Variants in KCNJ15 observed in about 807,000 individuals in gnomAD.
The protein encoded by KCNJ15 is potassium inwardly rectifying channel subfamily J member 15.
A neutral mutation model predicts 23.0 loss-of-function variants in KCNJ15; 14 were observed. That is an observed-to-expected ratio of 0.61 (90% confidence interval 0.40 to 0.95). The LOEUF is 0.95. KCNJ15 is among the 40% of genes least tolerant of loss of function. The probability of loss-of-function intolerance (pLI) is 0.00; values close to 1 mark genes in which losing one functional copy is unlikely to be tolerated. For missense variants in KCNJ15, 388 were observed against 461.8 expected (o/e 0.84, Z 1.46); for synonymous variants, 185 against 183.2 (o/e 1.01, Z -0.08).
chr21:38,303,856 T>A lies in KCNJ15; in HGVS notation c.*3467T>A, dbSNP rs1051446422. 1 of 151,518 alleles carries A rather than the reference T, an allele frequency of 6.6e-6. No individual in the cohort carries two copies. Among genetic ancestry groups the A allele is most frequent in the Non-Finnish European group, 1.5e-5 (1 of 67,888 alleles). The allele number at this position is 151,518 out of a possible 1,614,324, so 9.4% of individuals were successfully genotyped here. On this transcript the variant is annotated 3_prime_UTR_variant, in exon 3 of 3. Transcript: ENST00000398938. ...CATTATTCTGTCTCCCTTATTTGAGTCTTCAATATATATGCCCAGCTGGAG... is the reference window on the plus strand; with the variant it reads ...CATTATTCTGTCTCCCTTATTTGAGACTTCAATATATATGCCCAGCTGGAG...
upstream of KCNJ15, among the ~76,000 whole-genome samples, chr21:38,251,744 C>T (rs1266666812): frequency 2.6e-5 from 4 of 151,996 alleles, no homozygotes; most frequent in Admixed American, 2.6e-4. Context: ...AATTTGCCAG[C>T]GAGTAGGGGA....
In KCNJ15 at chr21:38,239,028, G is replaced by A. The variant is rs552365549; in HGVS notation, c.-398-18018G>A. Among the ~76,000 whole-genome samples the A allele has an allele frequency of 2.2e-4, 33 of 152,208 alleles. No homozygotes were observed. The South Asian group carries it at 6.6e-3, about 31-fold the overall frequency. ...AATAAATGTCTGGGTGGTGATGAAG[G>A]GTGACTTGCAGAAGCACCATTTTCC... On this transcript the variant is annotated intron_variant, in intron 1 of 4. Transcript: ENST00000547341.
At position 38,244,634 on chromosome 21, in the gene KCNJ15, C is replaced by T. The variant is rs527684513; in HGVS notation, c.-398-12412C>T. 9.9e-5 allele frequency among the ~76,000 whole-genome samples: 15 copies of T among 152,238 alleles called. No homozygotes were observed. In the East Asian group the frequency reaches 1.4e-3, roughly 14 times the overall value. On this transcript the variant is annotated intron_variant, in intron 1 of 4. Coordinates refer to the KCNJ15 transcript ENST00000547341. ...ACCTCCAGTCTCCAACTGCCTCCTC[C>T]GGCAGAACTGAGCAAGTCCTAACCA...
chr21:38,245,195 A>T (rs1193165841), intron 1 of KCNJ15, among the ~76,000 whole-genome samples: 1 of 152,018 alleles, frequency 6.6e-6, no homozygotes, highest in Non-Finnish European at 1.5e-5. Flanking sequence ...AGTTTACCGC[A>T]TCCTGGTTCT....
intron 1 of KCNJ15, chr21:38,285,646 G>A (rs143355381): frequency 5.9e-5 from 9 of 152,370 alleles, no homozygotes; most frequent in African/African-American, 1.9e-4. Context: ...AGGAATTCAT[G>A]TGCCAGATGT....
intron 1 of KCNJ15, among the ~76,000 whole-genome samples, chr21:38,233,913 T>C (rs995241423): frequency 2.2e-4 from 33 of 152,078 alleles, no homozygotes; most frequent in Non-Finnish European, 4.4e-4. Context: ...TTACTTTATA[T>C]AGTTTTATGT....
chr21:38,230,725 C>A (rs796488600), intron 1 of KCNJ15, among the ~76,000 whole-genome samples: 3 of 152,164 alleles, frequency 2.0e-5, no homozygotes, highest in African/African-American at 7.2e-5. Context: ...TATCTTGGCA[C>A]TACTTATTGA....
intron 1 of KCNJ15, among the ~76,000 whole-genome samples, chr21:38,240,177 G>A (rs1010025890): frequency 6.6e-6 from 1 of 151,704 alleles, no homozygotes; most frequent in African/African-American, 2.4e-5. Flanking sequence ...TTTTTTAATG[G>A]CCATCAAGAA....
intron 1 of KCNJ15, among the ~76,000 whole-genome samples, chr21:38,263,627 C>T (rs2836257): frequency 0.47 from 70,741 of 152,016 alleles, 20,817 homozygotes; most frequent in African/African-American, 0.84. Flanking sequence ...CTCTGACTAA[C>T]GTTTCACACA....
At chr21:38,271,242 A>G (rs999826242) in intron 1 of KCNJ15, among the ~76,000 whole-genome samples, 3 of 152,256 alleles carry the variant, frequency 2.0e-5, no homozygotes, top group African/African-American at 2.4e-5. Flanking sequence ...AAGAGGTTTC[A>G]GAGAAGCTAG....
chr21:38,276,140 G>A lies in KCNJ15; in HGVS notation c.-117+18955G>A, dbSNP rs185080664. On this transcript the variant is annotated intron_variant, in intron 1 of 2. Coordinates refer to ENST00000398938, the MANE Select transcript of KCNJ15 (RefSeq NM_170736.3). ...GTTAAGGCATGAAGGAGCCTATTCT[G>A]CTTGGCATGATAACAATTTATGTAT... 7.2e-5 allele frequency among the ~76,000 whole-genome samples: 11 copies of A among 151,828 alleles called. 1 individual carries two copies. The highest frequency in any genetic ancestry group is 2.2e-4 in the African/African-American group (9 of 41,390).
chr21:38,244,217 A>G (rs553444370), intron 1 of KCNJ15, among the ~76,000 whole-genome samples: 199 of 152,254 alleles, frequency 1.3e-3, no homozygotes, highest in Middle Eastern at 3.4e-3. Context: ...TTTCGAACCC[A>G]CCAAAGTCTA....
chr21:38,265,634 G>A (rs369356141), intron 1 of KCNJ15, among the ~76,000 whole-genome samples: 2 of 152,302 alleles, frequency 1.3e-5, no homozygotes, highest in African/African-American at 4.8e-5. Context: ...GCAGGAGGCT[G>A]GGTGGTCCGT....
chr21:38,258,766 A>G (rs1051368247), intron 1 of KCNJ15, among the ~76,000 whole-genome samples: 1 of 152,178 alleles, frequency 6.6e-6, no homozygotes, highest in African/African-American at 2.4e-5. Context: ...TCCTCCCACC[A>G]ACAGTTGTGG....
At position 38,301,980 on chromosome 21, in the gene KCNJ15, A is replaced by G. The variant is rs1414173079; in HGVS notation, c.*1591A>G. The stretch of plus-strand genomic sequence containing the variant: ...CAGTCACACACGCACACACACACAC[A>G]TGCACACACGCGCGTGCACACACGC... On this transcript the variant is annotated 3_prime_UTR_variant, in exon 3 of 3. Coordinates refer to ENST00000398938, the MANE Select transcript of KCNJ15 (RefSeq NM_170736.3). 2 of 154,588 alleles carry G rather than the reference A, an allele frequency of 1.3e-5. No individual in the cohort carries two copies. The highest frequency in any genetic ancestry group is 2.9e-5 in the Non-Finnish European group (2 of 68,150). 9.6% of individuals were successfully genotyped at this position (154,588 alleles called of 1,614,324 possible).
At chr21:38,284,268 T>G (rs1361109602) in intron 1 of KCNJ15, among the ~76,000 whole-genome samples, 1 of 152,178 alleles carries the variant, frequency 6.6e-6, no homozygotes, top group Non-Finnish European at 1.5e-5. Flanking sequence ...TGCATAATGT[T>G]AAAATTACAG....
intron 1 of KCNJ15, among the ~76,000 whole-genome samples, chr21:38,293,771 A>G (rs753595640): frequency 6.6e-6 from 1 of 152,234 alleles, no homozygotes; most frequent in Non-Finnish European, 1.5e-5. Flanking sequence ...TCCTCAGGAG[A>G]TACAAACCGA....
At position 38,299,906 on chromosome 21, in the gene KCNJ15, G is replaced by A; in HGVS notation, c.645G>A (p.Lys215=). 1 of 1,614,020 alleles carries A rather than the reference G, an allele frequency of 6.2e-7. No individual in the cohort carries two copies. Among genetic ancestry groups the A allele is most frequent in the Non-Finnish European group, 8.5e-7 (1 of 1,179,994 alleles). ...TGATTCAGTGCCAGCTCTCTGGCAA[G>A]CTCCTGCAGACCCACGTCACCAAGG... The part of the protein sequence containing the change: ...SLLIQCQLSG[K]LLQTHVTKEG... The change falls in exon 3 of 3, where the codon AAG becomes AAA. Residue 215 remains lysine (K), a synonymous_variant. Transcript: ENST00000398938. The surrounding 1 kb of genome is among the most constrained non-coding windows in gnomAD (Gnocchi z 4.5).
intron 1 of KCNJ15, among the ~76,000 whole-genome samples, chr21:38,278,272 CAGTGG>C (rs1187295368): frequency 6.6e-6 from 1 of 152,148 alleles, no homozygotes; most frequent in Non-Finnish European, 1.5e-5. Flanking sequence ...GCTTGCATTC[CAGTGG>C]AAGGTGGTGG....
Sources: allele counts gnomAD v4.1 joint callset (sites outside exome capture counted in the v4.1 genomes callset), GRCh38; gene constraint gnomAD v4.1.1; non-coding constraint Gnocchi (gnomAD v3.1); transcripts MANE v1.5; gene names NCBI Gene and HGNC (gene_info 2026-07-23, HGNC 2026-07-21).